UBE2W: variants seen among roughly 807,000 people sequenced by gnomAD.
UBE2W encodes the protein ubiquitin-conjugating enzyme E2 W.
Under a neutral mutation model 27.2 loss-of-function variants are expected in UBE2W, and 18 were observed. The observed-to-expected ratio is 0.66, with a 90% CI of 0.46 to 0.98. The LOEUF (loss-of-function observed/expected upper bound fraction) is 0.98, where lower values mean the gene tolerates loss of function less well. UBE2W is among the 50% of genes least tolerant of loss of function. The pLI is 0.00. For synonymous variants in UBE2W, 53 were observed against 57.2 expected (o/e 0.93, Z 0.33); for missense variants, 90 against 180.2 (o/e 0.50, Z 2.87).
chr8:73,837,407 G>A (rs1810354311), intron 1 of UBE2W, among the ~76,000 whole-genome samples: 1 of 152,090 alleles, frequency 6.6e-6, no homozygotes, highest in Admixed American at 6.5e-5. Context: ...CAGCTACTCA[G>A]GAGGCTGAGG....
rs1808241138 is a variant in UBE2W at position 73,792,381 on chromosome 8, A to G, written c.*1721T>C. 3.0e-6 allele frequency: 3 copies of G among 985,644 alleles called. No homozygotes were observed. The highest frequency in any genetic ancestry group is 3.6e-6 in the Non-Finnish European group (3 of 829,766). 61.1% of individuals were successfully genotyped at this position (985,644 alleles called of 1,614,324 possible). On this transcript the variant is annotated 3_prime_UTR_variant, in exon 6 of 6. Coordinates refer to ENST00000602593, the MANE Select transcript of UBE2W (RefSeq NM_018299.6). ...TTTTCAAGTTATTTCTATAGCAGAC[A>G]TATTTTTGAAGTCTACCCACCCCTG...
rs569162093 is a variant in UBE2W at position 73,843,182 on chromosome 8, T to C, written c.16-12710A>G. On this transcript the variant is annotated intron_variant, in intron 1 of 5. Coordinates refer to ENST00000602593, the MANE Select transcript of UBE2W (RefSeq NM_018299.6). ...TTGCCAGGGGCTGGGGAAAGGAGAA[T>C]GGAGAGTGACTACTTATGGACACAA... 4.6e-5 allele frequency among the ~76,000 whole-genome samples: 7 copies of C among 152,198 alleles called. No homozygotes were observed. In the South Asian group the frequency reaches 8.3e-4, roughly 18 times the overall value.
At chr8:73,854,448 A>C (rs1811203420) in intron 1 of UBE2W, among the ~76,000 whole-genome samples, 1 of 152,202 alleles carries the variant, frequency 6.6e-6, no homozygotes, top group South Asian at 2.1e-4. Flanking sequence ...GTCTCAAAGG[A>C]ATAAACATCT....
At chr8:73,840,728 G>T (rs576769620) in intron 1 of UBE2W, among the ~76,000 whole-genome samples, 29 of 152,216 alleles carry the variant, frequency 1.9e-4, no homozygotes, top group Admixed American at 1.8e-3. Flanking sequence ...CCGCATACAG[G>T]TAAGTCAACT....
chr8:73,786,343 A>T lies in UBE2W; in HGVS notation c.*7759T>A. 1 of 985,466 alleles carries T rather than the reference A, an allele frequency of 1.0e-6. No individual in the cohort carries two copies. The allele number at this position is 985,466 out of a possible 1,614,324, so 61.0% of individuals were successfully genotyped here. A position where few individuals can be genotyped will look rare whatever the true frequency, so the allele number is the denominator to read the frequency against. ...GGATATATGTTTCAAAATAGCTAGC[A>T]CCTAAGTTTCTTTGAGAAAGCTAGG... On this transcript the variant is annotated 3_prime_UTR_variant, in exon 6 of 6. Transcript: ENST00000602593.
At chr8:73,823,018 T>G (rs564022926) in intron 3 of UBE2W, among the ~76,000 whole-genome samples, 17 of 152,276 alleles carry the variant, frequency 1.1e-4, no homozygotes, top group African/African-American at 3.9e-4. Context: ...TACTCAAGTA[T>G]TTCAACAAGG....
Position 73,825,175 on chromosome 8 carries a change from C to A in UBE2W, c.182G>T (p.Ser61Ile). The A allele has an allele frequency of 6.4e-7, 1 of 1,557,910 alleles. No individual in the cohort carries two copies. Among genetic ancestry groups the A allele is most frequent in the Non-Finnish European group, 8.7e-7 (1 of 1,149,820 alleles). ...AGGAGAGTCAAAAGGATATCGACTA[C>A]TAAATTTAAATAGAAGTTGAAATTT... ...GEKFQLLFKF[S>I]SRYPFDSPQV... is the part of the protein sequence containing the mutation. Residue 61 changes from serine (S) to isoleucine (I), a missense_variant, in exon 3 of 6, where the codon AGT (serine) becomes ATT (isoleucine). Transcript: ENST00000602593.
chr8:73,876,709 C>T (rs900960945), intron 1 of UBE2W, among the ~76,000 whole-genome samples: 2 of 152,202 alleles, frequency 1.3e-5, no homozygotes, highest in African/African-American at 4.8e-5. Context: ...TGGCTCACAC[C>T]TGTAATCCCA....
chr8:73,812,905 T>C (rs1303016172), intron 3 of UBE2W, among the ~76,000 whole-genome samples: 1 of 150,912 alleles, frequency 6.6e-6, no homozygotes, highest in African/African-American at 2.4e-5. Context: ...TTTGGGAGGC[T>C]GAGGCAGGAG....
intron 5 of UBE2W, among the ~76,000 whole-genome samples, chr8:73,797,730 G>A (rs1025234207): frequency 2.0e-5 from 3 of 152,082 alleles, no homozygotes; most frequent in Non-Finnish European, 4.4e-5. Context: ...TTTAAAAACC[G>A]ATATTCCTCT....
At chr8:73,797,440 G>A (rs1183876031) in intron 5 of UBE2W, among the ~76,000 whole-genome samples, 2 of 152,110 alleles carry the variant, frequency 1.3e-5, no homozygotes, top group East Asian at 3.8e-4. Flanking sequence ...TTTCAAAGTA[G>A]GCAGACAAAG....
At chr8:73,822,678 G>A (rs966457502) in intron 3 of UBE2W, among the ~76,000 whole-genome samples, 5 of 147,892 alleles carry the variant, frequency 3.4e-5, no homozygotes, top group Non-Finnish European at 5.9e-5. Flanking sequence ...CAGCTGCTTC[G>A]GAGGCTGATA....
rs561078398 is a variant in UBE2W, at chr8:73,786,875, C to G, written c.*7227G>C. The G allele has an allele frequency of 1.0e-4, 100 of 985,276 alleles. 1 individual carries two copies. The South Asian group carries it at 4.3e-3, about 42-fold the overall frequency. The allele number at this position is 985,276 out of a possible 1,614,324, so 61.0% of individuals were successfully genotyped here. ...GGATGGGAATGTCATTAAATTATAA[C>G]AGGATAAAAGAAATATGTTTTCATT... is the stretch of plus-strand genomic sequence containing the variant. On this transcript the variant is annotated 3_prime_UTR_variant, in exon 6 of 6. Transcript: ENST00000602593.
chr8:73,861,038 A>T (rs186185226), intron 1 of UBE2W, among the ~76,000 whole-genome samples: 2 of 152,272 alleles, frequency 1.3e-5, no homozygotes, highest in Admixed American at 1.3e-4. Context: ...GGATCCTTTG[A>T]TCCTAGAAGT....
chr8:73,830,323 G>A, intron 2 of UBE2W, 58 bp downstream of exon 2: 1 of 1,256,748 alleles, frequency 8.0e-7, no homozygotes, highest in Non-Finnish European at 1.1e-6. Context: ...AAAAGCGGGT[G>A]AACATTCATA....
chr8:73,794,870 G>GAAAAAAAAAAAAAAAAA (rs745852858), intron 5 of UBE2W, among the ~76,000 whole-genome samples: 1 of 103,558 alleles, frequency 9.7e-6, no homozygotes, highest in African/African-American at 3.6e-5. Context: ...AAAAAAAAAA[G>GAAAAAAAAAAAAAAAAA]AAAAAAAAAA....
intron 1 of UBE2W, among the ~76,000 whole-genome samples, chr8:73,875,528 T>A (rs903158592): frequency 8.6e-6 from 1 of 116,934 alleles, no homozygotes; most frequent in Non-Finnish European, 1.9e-5. Flanking sequence ...GTTACATTTG[T>A]ATAATATGGC....
chr8:73,863,609 A>G lies in UBE2W; in HGVS notation c.15+15199T>C, dbSNP rs545445468. On this transcript the variant is annotated intron_variant, in intron 1 of 5. Coordinates refer to ENST00000602593, the MANE Select transcript of UBE2W (RefSeq NM_018299.6). ...AAAAAAAGAAAAAAAAATACAAAAA[A>G]TAGCCAGGCATTGTGGTGAGTGCCT... Among the ~76,000 whole-genome samples, 4 of 151,754 alleles carry G rather than the reference A, an allele frequency of 2.6e-5. No homozygotes were observed. The East Asian group carries it at 7.8e-4, about 29-fold the overall frequency.
In UBE2W at chr8:73,798,116, C is replaced by T. The variant is rs1368037191; in HGVS notation, c.443-4001G>A. Among the ~76,000 whole-genome samples, 3 of 152,064 alleles carry T rather than the reference C, an allele frequency of 2.0e-5. No individual in the cohort carries two copies. The East Asian group carries it at 5.8e-4, about 29-fold the overall frequency. ...CAATCTGGGCAACATAGTGAAATCC[C>T]ATCTATACCCCCCAACAAAATATAC... On this transcript the variant is annotated intron_variant, in intron 5 of 5. Coordinates refer to ENST00000602593, the MANE Select transcript of UBE2W (RefSeq NM_018299.6).
Sources: allele counts gnomAD v4.1 joint callset (sites outside exome capture counted in the v4.1 genomes callset), GRCh38; gene constraint gnomAD v4.1.1; transcripts MANE v1.5; gene names NCBI Gene and HGNC (gene_info 2026-07-23, HGNC 2026-07-21).